Variants in ZNF704 observed in about 807,000 individuals in gnomAD.
ZNF704 encodes zinc finger protein 704, also known as glucocorticoid induced gene 1.
ZNF704 carries 10 observed loss-of-function variants against 44.7 expected under a neutral mutation model. The ratio of observed to expected loss-of-function variants is 0.22; its 90% CI spans 0.14 to 0.38. The LOEUF (loss-of-function observed/expected upper bound fraction) is 0.38. Ranked by LOEUF, ZNF704 falls within the 10% of genes least tolerant of loss-of-function variation. The pLI, the probability that ZNF704 is intolerant of heterozygous loss-of-function variation, is 1.00. For missense variants in ZNF704, 390 were observed against 545.5 expected (o/e 0.71, Z 2.84); for synonymous variants, 211 against 207.6 (o/e 1.02, Z -0.14).
chr8:80,755,335 A>C (rs1212116612), intron 2 of ZNF704, among the ~76,000 whole-genome samples: 1 of 152,054 alleles, frequency 6.6e-6, no homozygotes, highest in East Asian at 1.9e-4. Context: ...GGTGCCTGTA[A>C]TCCCAGCTAC....
chr8:80,714,801 G>A (rs950483295), intron 2 of ZNF704, among the ~76,000 whole-genome samples: 2 of 152,178 alleles, frequency 1.3e-5, no homozygotes, highest in African/African-American at 4.8e-5. Flanking sequence ...TGGGGAGAGG[G>A]TGGCAAGAGG....
intron 1 of ZNF704, among the ~76,000 whole-genome samples, chr8:80,865,709 G>A (rs1396010687): frequency 2.0e-5 from 3 of 152,058 alleles, no homozygotes; most frequent in African/African-American, 4.8e-5. Context: ...TAAAGCAAAC[G>A]TTGTCACTGG....
intron 1 of ZNF704, among the ~76,000 whole-genome samples, chr8:80,841,014 A>C (rs1390626907): frequency 6.6e-6 from 1 of 152,182 alleles, no homozygotes; most frequent in African/African-American, 2.4e-5. Flanking sequence ...GATGATCAAC[A>C]AGACAACTGC....
chr8:80,645,177 G>C, intron 7 of ZNF704: 2 of 1,586,608 alleles, frequency 1.3e-6, no homozygotes, highest in Non-Finnish European at 1.7e-6. Flanking sequence ...CGACATGATC[G>C]CTCGGTTTGC....
Position 80,874,229 on chromosome 8 carries a change from G to A in ZNF704, c.-22+342C>T, listed in dbSNP as rs1049885230. Among the ~76,000 whole-genome samples, 74 of 145,246 alleles carry A rather than the reference G, an allele frequency of 5.1e-4. No homozygotes were observed. The highest frequency in any genetic ancestry group is 1.5e-3 in the African/African-American group (60 of 40,378). On this transcript the variant is annotated intron_variant, in intron 1 of 8. Coordinates refer to ENST00000327835, the MANE Select transcript of ZNF704 (RefSeq NM_001033723.3). This position sits in a 1 kb window ranked among gnomAD's most constrained non-coding sequence, Gnocchi z 4.4. ...GCGCGGGCGCCGCCTTCGCTGGACC[G>A]GCCGGCGGGGACGCCGGCGGCCGGC...
At chr8:80,715,986 A>C (rs940549983) in intron 2 of ZNF704, among the ~76,000 whole-genome samples, 1 of 152,106 alleles carries the variant, frequency 6.6e-6, no homozygotes, top group African/African-American at 2.4e-5. Context: ...AGGCTGAGGC[A>C]CAAGAATCAC....
At chr8:80,755,791 C>T (rs567511193) in intron 2 of ZNF704, among the ~76,000 whole-genome samples, 22 of 152,248 alleles carry the variant, frequency 1.4e-4, no homozygotes, top group African/African-American at 5.1e-4. Flanking sequence ...TACCCCCAAA[C>T]AGCAGTTCGT....
intron 2 of ZNF704, among the ~76,000 whole-genome samples, chr8:80,728,513 A>T (rs1286546426): frequency 1.3e-5 from 2 of 152,216 alleles, no homozygotes; most frequent in African/African-American, 4.8e-5. Flanking sequence ...AGTATTTCTT[A>T]AGGGCACCCC....
At chr8:80,724,626 C>T (rs1358652629) in intron 2 of ZNF704, among the ~76,000 whole-genome samples, 1 of 152,140 alleles carries the variant, frequency 6.6e-6, no homozygotes, top group Admixed American at 6.5e-5. Flanking sequence ...GTTGTAGAAG[C>T]CAGAAACTTA....
intron 2 of ZNF704, among the ~76,000 whole-genome samples, chr8:80,710,017 G>C (rs1818960248): frequency 6.6e-6 from 1 of 152,154 alleles, no homozygotes; most frequent in African/African-American, 2.4e-5. Context: ...AGACATCTTT[G>C]CCAGCTTCCC....
the ZNF704 span, among the ~76,000 whole-genome samples, chr8:80,883,276 TTTTAAGGATCA>T: frequency 6.6e-6 from 1 of 150,636 alleles, no homozygotes; most frequent in Non-Finnish European, 1.5e-5. Flanking sequence ...GAAAGAAATA[TTTTAAGGATCA>T]AATAATAATT....
intron 2 of ZNF704, among the ~76,000 whole-genome samples, chr8:80,733,115 A>C (rs1013814447): frequency 6.6e-6 from 1 of 152,118 alleles, no homozygotes; most frequent in South Asian, 2.1e-4. Context: ...CCACCCACCC[A>C]TTAAGTTTTT....
At position 80,643,129 on chromosome 8, in the gene ZNF704, C is replaced by G. The variant is rs1462505445; in HGVS notation, c.1033G>C (p.Val345Leu). 1 of 1,599,364 alleles carries G rather than the reference C, an allele frequency of 6.3e-7. No homozygotes were observed. Among genetic ancestry groups the G allele is most frequent in the Non-Finnish European group, 8.5e-7 (1 of 1,172,510 alleles). Residue 345 changes from valine to leucine, a missense_variant and splice_region_variant, in exon 8 of 9, where the codon GTG becomes CTG. By Grantham distance (32) the Val-to-Leu change is conservative (BLOSUM62 1). This residue lies in a region of ZNF704 where 305 missense variants were observed against 435.7 expected (regional missense o/e 0.70). Coordinates refer to ENST00000327835, the MANE Select transcript of ZNF704 (RefSeq NM_001033723.3). ...CCCACCGGATGATGTGTGGGTGACA[C>G]CTGGTGAATACATGGAAAAGAAAGT... ...SPPVTFTGIP[V>L]SPTHHPVGTG... is the part of the protein sequence containing the mutation.
chr8:80,668,604 G>A (rs1203054861), intron 5 of ZNF704, among the ~76,000 whole-genome samples: 1 of 152,186 alleles, frequency 6.6e-6, no homozygotes, highest in African/African-American at 2.4e-5. Context: ...TAGGCCTGGG[G>A]GACACTGCGT....
At chr8:80,703,608 G>A (rs1818846952) in intron 2 of ZNF704, among the ~76,000 whole-genome samples, 1 of 152,124 alleles carries the variant, frequency 6.6e-6, no homozygotes, top group Non-Finnish European at 1.5e-5. Context: ...CTGAGTGGTT[G>A]GGACTACAGG....
At chr8:80,745,240 G>A (rs1160891702) in intron 2 of ZNF704, among the ~76,000 whole-genome samples, 1 of 151,914 alleles carries the variant, frequency 6.6e-6, no homozygotes, top group Non-Finnish European at 1.5e-5. Flanking sequence ...CTTCTTTTTG[G>A]GCTCCTATGG....
chr8:80,702,684 C>T (rs11993451), intron 2 of ZNF704, among the ~76,000 whole-genome samples: 6,570 of 151,864 alleles, frequency 0.043, 503 homozygotes, highest in African/African-American at 0.15. Context: ...AAAGCGAAGG[C>T]GAGATGGAAG....
chr8:80,772,403 T>C (rs1807335893), intron 2 of ZNF704, among the ~76,000 whole-genome samples: 1 of 152,140 alleles, frequency 6.6e-6, no homozygotes, highest in African/African-American at 2.4e-5. Flanking sequence ...TGGCTCACGG[T>C]TCTGCAGGCT....
rs182147569 is a variant in ZNF704 at position 80,724,857 on chromosome 8, C to T, written c.222-31750G>A. Among the ~76,000 whole-genome samples, 93 of 152,270 alleles carry T rather than the reference C, an allele frequency of 6.1e-4. 1 individual carries two copies. Among genetic ancestry groups the T allele is most frequent in the African/African-American group, 1.9e-3 (79 of 41,530 alleles). ...CCTAGTCTCTGCTCCATTCATTCTG[C>T]GCCCCACAATGCCGTTCAAGCAGTC... is the stretch of plus-strand genomic sequence containing the variant. On this transcript the variant is annotated intron_variant, in intron 2 of 8. Coordinates refer to ENST00000327835, the MANE Select transcript of ZNF704 (RefSeq NM_001033723.3).
Sources: allele counts gnomAD v4.1 joint callset (sites outside exome capture counted in the v4.1 genomes callset), GRCh38; gene constraint gnomAD v4.1.1; regional missense constraint gnomAD v4.1.1; non-coding constraint Gnocchi (gnomAD v3.1); transcripts MANE v1.5; gene names NCBI Gene and HGNC (gene_info 2026-07-23, HGNC 2026-07-21).